The following DNM3 variants were observed in gnomAD, a reference collection of about 807,000 sequenced individuals.
DNM3 encodes the protein dynamin-3.
DNM3 carries 47 observed loss-of-function variants against 101.6 expected under a neutral mutation model. The observed-to-expected ratio is 0.46, with a 90% confidence interval of 0.37 to 0.59. The LOEUF is 0.59. Among genes scored for constraint, DNM3 ranks in the 20% least tolerant of loss-of-function variants. DNM3 has a pLI of 0.00. For missense variants in DNM3, 849 were observed against 1,085.7 expected (o/e 0.78, Z 3.06); for synonymous variants, 385 against 387.9 (o/e 0.99, Z 0.09).
chr1:172,210,314 C>CT lies in DNM3; in HGVS notation c.1660-43235dup, dbSNP rs11330467. On this transcript the variant is annotated intron_variant, in intron 14 of 20. Coordinates refer to ENST00000627582, the MANE Select transcript of DNM3 (RefSeq NM_015569.5). The stretch of plus-strand genomic sequence containing the variant: ...AGGTAATTAAGAGTAAGAGAGCGTG[C>CT]TTTTTTTTTTTTTTTTTTTTTTTTG... 4.5e-3 allele frequency among the ~76,000 whole-genome samples: 386 copies of CT among 84,852 alleles called. 6 individuals carry two copies. The highest frequency in any genetic ancestry group is 0.012 in the African/African-American group (324 of 26,044). 55.7% of individuals were successfully genotyped at this position (84,852 alleles called of 152,430 possible).
At chr1:171,908,578 A>G (rs892493346) in intron 1 of DNM3, among the ~76,000 whole-genome samples, 1 of 151,816 alleles carries the variant, frequency 6.6e-6, no homozygotes, top group Non-Finnish European at 1.5e-5. Flanking sequence ...TCCTATCTTT[A>G]TTGATATTAG....
intron 13 of DNM3, among the ~76,000 whole-genome samples, chr1:172,128,186 A>G (rs2056747978): frequency 6.6e-6 from 1 of 152,088 alleles, no homozygotes; most frequent in African/African-American, 2.4e-5. Flanking sequence ...TTTTGCTTGG[A>G]GTTTTACCGC....
intron 12 of DNM3, among the ~76,000 whole-genome samples, chr1:172,087,729 T>C (rs570391750): frequency 6.6e-6 from 1 of 152,332 alleles, no homozygotes; most frequent in South Asian, 2.1e-4. Flanking sequence ...CTTCTCTTAC[T>C]TGAGTTACTA....
chr1:172,044,187 A>G (rs905460669), intron 8 of DNM3, among the ~76,000 whole-genome samples, 198 bp from the exon 9 acceptor site: 3 of 152,196 alleles, frequency 2.0e-5, no homozygotes, highest in Non-Finnish European at 4.4e-5. Context: ...ACTGCCCCCA[A>G]GCTCCCCAAA....
chr1:172,043,752 G>A lies in DNM3; in HGVS notation c.1129-633G>A, dbSNP rs1254136152. 2.0e-5 allele frequency among the ~76,000 whole-genome samples: 3 copies of A among 152,148 alleles called. No homozygotes were observed. In the East Asian group the frequency reaches 5.8e-4, roughly 29 times the overall value. The stretch of plus-strand genomic sequence containing the variant: ...AGGAAATGGACAGACAATGAAGCCG[G>A]AGAGGCCAAATCTCAGAGGTCAGGG... On this transcript the variant is annotated intron_variant, in intron 8 of 20. Coordinates refer to ENST00000627582, the MANE Select transcript of DNM3 (RefSeq NM_015569.5).
intron 17 of DNM3, among the ~76,000 whole-genome samples, chr1:172,359,391 G>T (rs972212639): frequency 6.6e-6 from 1 of 151,840 alleles, no homozygotes; most frequent in African/African-American, 2.4e-5. Flanking sequence ...TCTACTGTAA[G>T]ATAGTAAAAT....
intron 20 of DNM3, 101 bp from the exon 21 acceptor site, chr1:172,407,671 T>A (rs1558102595): frequency 8.5e-7 from 1 of 1,178,764 alleles, no homozygotes. Flanking sequence ...GGCCTGTATG[T>A]GCATGAGCAT....
At chr1:172,303,976 C>T (rs1270712172) in intron 15 of DNM3, among the ~76,000 whole-genome samples, 3 of 151,770 alleles carry the variant, frequency 2.0e-5, no homozygotes, top group African/African-American at 7.3e-5. Context: ...ATCAACTAAC[C>T]AGCAAAATAA....
intron 19 of DNM3, among the ~76,000 whole-genome samples, chr1:172,387,971 C>T (rs375684499): frequency 6.6e-6 from 1 of 152,088 alleles, no homozygotes; most frequent in East Asian, 1.9e-4. Flanking sequence ...CGGTGGCTCA[C>T]GCCTGTATTC....
At chr1:172,221,418 G>A (rs187258171) in intron 14 of DNM3, among the ~76,000 whole-genome samples, 100 of 152,054 alleles carry the variant, frequency 6.6e-4, no homozygotes, top group African/African-American at 2.4e-3. Flanking sequence ...TAATATATAT[G>A]TTTTAATTAT....
chr1:171,902,452 A>G lies in DNM3; in HGVS notation c.162-19296A>G, dbSNP rs183447031. The stretch of plus-strand genomic sequence containing the variant: ...TGAGATCCAAAGTTTCTGATGTGAG[A>G]AATGTTTTTGTCTTTTATAATCAAG... On this transcript the variant is annotated intron_variant, in intron 1 of 20. Coordinates refer to ENST00000627582, the MANE Select transcript of DNM3 (RefSeq NM_015569.5). 1.6e-4 allele frequency among the ~76,000 whole-genome samples: 25 copies of G among 152,310 alleles called. No homozygotes were observed. In the East Asian group the frequency reaches 4.4e-3, roughly 27 times the overall value.
chr1:171,948,170 C>A (rs1271240246), intron 2 of DNM3, among the ~76,000 whole-genome samples: 1 of 152,148 alleles, frequency 6.6e-6, no homozygotes, highest in East Asian at 1.9e-4. Flanking sequence ...TGTTTGACAG[C>A]TGATGAAACA....
chr1:172,313,394 A>G (rs2148885302), intron 16 of DNM3, among the ~76,000 whole-genome samples: 1 of 152,382 alleles, frequency 6.6e-6, no homozygotes, highest in African/African-American at 2.4e-5. Context: ...GATTATAAAT[A>G]AATGTGAATT....
At chr1:172,298,352 G>A (rs1420440654) in intron 15 of DNM3, among the ~76,000 whole-genome samples, 1 of 152,208 alleles carries the variant, frequency 6.6e-6, no homozygotes, top group Non-Finnish European at 1.5e-5. Context: ...AGTGTGGGAA[G>A]GCACAGATGT....
chr1:171,924,047 G>A (rs1374798648), intron 2 of DNM3, among the ~76,000 whole-genome samples: 1 of 152,196 alleles, frequency 6.6e-6, no homozygotes, highest in African/African-American at 2.4e-5. Flanking sequence ...ATTCTATGGT[G>A]TATGTGTCCC....
At position 172,200,344 on chromosome 1, in the gene DNM3, C is replaced by A. The variant is rs896556875; in HGVS notation, c.1660-53229C>A. Among the ~76,000 whole-genome samples the A allele has an allele frequency of 4.6e-5, 7 of 152,196 alleles. No homozygotes were observed. In the East Asian group the frequency reaches 1.4e-3, roughly 29 times the overall value. On this transcript the variant is annotated intron_variant, in intron 14 of 20. Transcript: ENST00000627582. ...TCTCTAGTTGCCTTTGAAGTTCTTTCTTTCATTTTGACCTTGGAAAATCTG... is the reference window on the plus strand; with the variant it reads ...TCTCTAGTTGCCTTTGAAGTTCTTTATTTCATTTTGACCTTGGAAAATCTG...
chr1:171,943,134 A>T (rs1571745218), intron 2 of DNM3, among the ~76,000 whole-genome samples: 1 of 152,180 alleles, frequency 6.6e-6, no homozygotes, highest in African/African-American at 2.4e-5. Context: ...AATAAAAAAT[A>T]AAAAAAGAAA....
chr1:172,353,097 C>T (rs1371272256), intron 17 of DNM3, among the ~76,000 whole-genome samples: 2 of 152,152 alleles, frequency 1.3e-5, no homozygotes, highest in East Asian at 3.9e-4. Flanking sequence ...ACCAAGCAGC[C>T]ATATCCACAG....
intron 11 of DNM3, among the ~76,000 whole-genome samples, chr1:172,076,918 G>A (rs59671783): frequency 0.031 from 4,782 of 152,230 alleles, 248 homozygotes; most frequent in African/African-American, 0.11. Context: ...ACCTATCACA[G>A]AATTCAGCTG....
Sources: allele counts gnomAD v4.1 joint callset (sites outside exome capture counted in the v4.1 genomes callset), GRCh38; gene constraint gnomAD v4.1.1; transcripts MANE v1.5; gene names NCBI Gene and HGNC (gene_info 2026-07-23, HGNC 2026-07-21).